Variants in WWOX observed in about 807,000 individuals in gnomAD.
The protein encoded by WWOX is WW domain containing oxidoreductase, also known as WW domain-containing oxidoreductase.
WWOX carries 69 observed loss-of-function variants against 46.2 expected under a neutral mutation model. The observed-to-expected ratio is 1.49, with a 90% CI of 1.23 to 1.82. The LOEUF (loss-of-function observed/expected upper bound fraction) is 1.82, where lower values mean the gene tolerates loss of function less well. WWOX is among the 40% of genes most tolerant of loss of function. The pLI is 0.00. For missense variants in WWOX, 919 were observed against 542.6 expected, an observed-to-expected ratio of 1.69 and a Z score of -6.89; for synonymous variants, 359 against 202.6, an observed-to-expected ratio of 1.77 and a Z score of -6.56.
rs34225165 is a variant in WWOX, at chr16:78,148,897, C to CAA, written c.410-15259_410-15258dup. 4.2e-3 allele frequency among the ~76,000 whole-genome samples: 224 copies of CAA among 53,228 alleles called. 14 individuals are homozygous for CAA. Among genetic ancestry groups the CAA allele is most frequent in the East Asian group, 9.6e-3 (15 of 1,562 alleles). The allele number at this position is 53,228 out of a possible 152,430, so 34.9% of individuals were successfully genotyped here. On this transcript the variant is annotated intron_variant, in intron 4 of 8. Coordinates refer to ENST00000566780, the MANE Select transcript of WWOX (RefSeq NM_016373.4). Reference sequence around the variant, plus strand: ...TGGGCGACAGAGCAAGACTCCGTCTCAAAAAAAAAAAAAAAAAAAAAAAAA... The same window carrying CAA: ...TGGGCGACAGAGCAAGACTCCGTCTCAAAAAAAAAAAAAAAAAAAAAAAAAAA...
chr16:79,133,173 A>G (rs2049915752), intron 8 of WWOX, among the ~76,000 whole-genome samples: 1 of 152,180 alleles, frequency 6.6e-6, no homozygotes, highest in Non-Finnish European at 1.5e-5. Context: ...TAACAACTTT[A>G]TTTATGTAAT....
At chr16:78,850,353 G>C (rs541836884) in intron 8 of WWOX, among the ~76,000 whole-genome samples, 1 of 152,134 alleles carries the variant, frequency 6.6e-6, no homozygotes, top group East Asian at 1.9e-4. Flanking sequence ...TACATCCCGA[G>C]TGTTTCACTT....
intron 8 of WWOX, among the ~76,000 whole-genome samples, chr16:79,078,423 C>T (rs2048700144): frequency 6.6e-6 from 1 of 152,066 alleles, no homozygotes; most frequent in African/African-American, 2.4e-5. Context: ...GAGAAAGTGT[C>T]CTGTGTGTGG....
At chr16:79,132,463 A>G (rs1365620998) in intron 8 of WWOX, among the ~76,000 whole-genome samples, 1 of 152,156 alleles carries the variant, frequency 6.6e-6, no homozygotes, top group African/African-American at 2.4e-5. Flanking sequence ...GATTAAAATA[A>G]TGGTACTTAT....
intron 8 of WWOX, among the ~76,000 whole-genome samples, chr16:78,660,680 G>T (rs998108132): frequency 2.0e-5 from 3 of 152,134 alleles, no homozygotes; most frequent in Admixed American, 2.0e-4. Flanking sequence ...AGACCTTTCA[G>T]TAAGATAGTA....
At chr16:78,832,329 G>C (rs1052418440) in intron 8 of WWOX, among the ~76,000 whole-genome samples, 2 of 152,198 alleles carry the variant, frequency 1.3e-5, no homozygotes, top group South Asian at 2.1e-4. Flanking sequence ...ATCTCAGAGA[G>C]AGTGTGAGGA....
chr16:78,278,625 C>T (rs750026541), intron 5 of WWOX: 2 of 1,610,974 alleles, frequency 1.2e-6, no homozygotes. Context: ...CACCCTCCGC[C>T]AGAAAAGTGC....
At chr16:78,731,853 T>C (rs1269943366) in intron 8 of WWOX, among the ~76,000 whole-genome samples, 1 of 135,942 alleles carries the variant, frequency 7.4e-6, no homozygotes, top group African/African-American at 3.4e-5. Context: ...CTCTTTTTTT[T>C]TTTTTTTTTT....
chr16:78,989,548 G>T (rs888905362), intron 8 of WWOX, among the ~76,000 whole-genome samples: 1 of 152,248 alleles, frequency 6.6e-6, no homozygotes, highest in South Asian at 2.1e-4. Flanking sequence ...GTGTGGTTCA[G>T]CTCTCAAAAA....
chr16:78,105,219 T>C (rs2032064460), intron 1 of WWOX, among the ~76,000 whole-genome samples: 1 of 152,162 alleles, frequency 6.6e-6, no homozygotes, highest in Non-Finnish European at 1.5e-5. Flanking sequence ...CCCAGCACTT[T>C]GGGAGGCCGA....
Position 79,212,278 on chromosome 16 carries a change from A to C in WWOX, c.*482A>C. ...ATAATTGTTTCATTCATCCTGACCA[A>C]GACTGAGCCAGCTTAGCAACTGCTG... On this transcript the variant is annotated 3_prime_UTR_variant, in exon 9 of 9. Transcript: ENST00000566780. 2 of 1,187,534 alleles carry C rather than the reference A, an allele frequency of 1.7e-6. No individual in the cohort carries two copies. Among genetic ancestry groups the C allele is most frequent in the Non-Finnish European group, 2.3e-6 (2 of 877,026 alleles). The allele number at this position is 1,187,534 out of a possible 1,614,324, so 73.6% of individuals were successfully genotyped here.
Position 78,195,611 on chromosome 16 carries a change from C to T in WWOX, c.516+31322C>T, listed in dbSNP as rs886235007. Among the ~76,000 whole-genome samples the T allele has an allele frequency of 9.2e-5, 14 of 152,048 alleles. No individual in the cohort carries two copies. The South Asian group carries it at 1.5e-3, about 16-fold the overall frequency. On this transcript the variant is annotated intron_variant, in intron 5 of 8. Coordinates refer to ENST00000566780, the MANE Select transcript of WWOX (RefSeq NM_016373.4). ...CTAAGGTGGGCGAATCACCCCAGGT[C>T]AGGAGTTTGAGACCAGCCTGAGCAA...
intron 5 of WWOX, among the ~76,000 whole-genome samples, chr16:78,302,887 T>A (rs1404931936): frequency 6.6e-6 from 1 of 152,246 alleles, no homozygotes; most frequent in African/African-American, 2.4e-5. Context: ...GTTACTGGGT[T>A]GCTGCAGGAA....
In WWOX at chr16:78,773,697, G is replaced by GT. The variant is rs1271861660; in HGVS notation, c.1056+340947dup. The stretch of plus-strand genomic sequence containing the variant: ...ACGAAATCACAGTGGTGTGTCTGGA[G>GT]TTGAAGTCTGAACAAATAACCCAAA... On this transcript the variant is annotated intron_variant, in intron 8 of 8. Transcript: ENST00000566780. 2.0e-5 allele frequency among the ~76,000 whole-genome samples: 3 copies of GT among 152,214 alleles called. No individual in the cohort carries two copies. In the East Asian group the frequency reaches 5.8e-4, roughly 29 times the overall value.
chr16:78,921,399 G>A (rs573012290), intron 8 of WWOX, among the ~76,000 whole-genome samples: 2 of 152,316 alleles, frequency 1.3e-5, no homozygotes, highest in African/African-American at 4.8e-5. Context: ...GGGGAGTACA[G>A]TAAAATTAGG....
At chr16:78,680,444 G>A (rs1369492539) in intron 8 of WWOX, among the ~76,000 whole-genome samples, 1 of 152,122 alleles carries the variant, frequency 6.6e-6, no homozygotes, top group Non-Finnish European at 1.5e-5. Flanking sequence ...TGAGGTGGGA[G>A]GATCGCTTGA....
intron 8 of WWOX, among the ~76,000 whole-genome samples, chr16:78,884,886 A>T (rs1355327021): frequency 6.6e-6 from 1 of 152,238 alleles, no homozygotes; most frequent in Non-Finnish European, 1.5e-5. Context: ...AATAATAATA[A>T]TATAAAGCAC....
intron 8 of WWOX, among the ~76,000 whole-genome samples, chr16:78,629,573 G>A (rs538496458): frequency 6.6e-6 from 1 of 152,138 alleles, no homozygotes; most frequent in African/African-American, 2.4e-5. Context: ...TCCAGGGCCT[G>A]CAAGACCCCT....
At chr16:78,563,012 A>G (rs1229375696) in intron 8 of WWOX, among the ~76,000 whole-genome samples, 4 of 151,166 alleles carry the variant, frequency 2.6e-5, no homozygotes, top group Non-Finnish European at 4.4e-5. Flanking sequence ...CCCTCCCCCT[A>G]TCTTTCTTTC....
Sources: gnomAD v4.1 joint callset for allele counts (sites outside exome capture counted in the v4.1 genomes callset) on GRCh38, gnomAD v4.1.1 for gene constraint, MANE v1.5 for transcripts, NCBI Gene and HGNC (gene_info 2026-07-23, HGNC 2026-07-21) for gene names.